Variants in STK32B observed in about 807,000 individuals in gnomAD.
The protein encoded by STK32B is serine/threonine-protein kinase 32B.
A neutral mutation model predicts 52.6 loss-of-function variants in STK32B; 43 were observed. The observed-to-expected ratio is 0.82, with a 90% confidence interval of 0.64 to 1.05. The LOEUF (loss-of-function observed/expected upper bound fraction) is 1.05, where lower values mean the gene tolerates loss of function less well. Among genes scored for constraint, STK32B ranks in the 50% least tolerant of loss-of-function variants. STK32B has a pLI of 0.00. For synonymous variants in STK32B, 238 were observed against 204.3 expected (o/e 1.17, Z -1.41); for missense variants, 621 against 534.6 (o/e 1.16, Z -1.59).
chr4:5,167,164 C>T (rs1366483069), intron 2 of STK32B, among the ~76,000 whole-genome samples: 1 of 152,140 alleles, frequency 6.6e-6, no homozygotes, highest in Non-Finnish European at 1.5e-5. Flanking sequence ...CTGCGGAGAG[C>T]CTTCTCTGAC....
intron 1 of STK32B, among the ~76,000 whole-genome samples, chr4:5,091,177 CT>C (rs1179424422): frequency 6.6e-6 from 1 of 152,070 alleles, no homozygotes; most frequent in African/African-American, 2.4e-5. Flanking sequence ...GTGCTTCTTA[CT>C]GTTGACTTCA....
chr4:5,496,015 C>T (rs528608950), intron 11 of STK32B, among the ~76,000 whole-genome samples: 13 of 152,304 alleles, frequency 8.5e-5, no homozygotes, highest in East Asian at 7.7e-4. Flanking sequence ...TTAGGCTGCT[C>T]GGGGGCAGGG....
At chr4:5,335,820 T>G in intron 4 of STK32B, among the ~76,000 whole-genome samples, 1 of 152,074 alleles carries the variant, frequency 6.6e-6, no homozygotes, top group Non-Finnish European at 1.5e-5. Flanking sequence ...GAGTTGTAGT[T>G]TGATTGCACT....
chr4:5,357,082 C>T (rs1274434846), intron 4 of STK32B, among the ~76,000 whole-genome samples: 1 of 134,020 alleles, frequency 7.5e-6, no homozygotes, highest in Admixed American at 7.6e-5. Context: ...TACACACACA[C>T]ACGTATACAC....
chr4:5,428,591 T>G (rs1033077560), intron 6 of STK32B, among the ~76,000 whole-genome samples: 2 of 152,240 alleles, frequency 1.3e-5, no homozygotes, highest in African/African-American at 4.8e-5. Context: ...TGGTTAATAT[T>G]ACATGCAAAC....
intron 3 of STK32B, among the ~76,000 whole-genome samples, chr4:5,322,391 C>T (rs1430255531): frequency 2.0e-5 from 3 of 152,090 alleles, no homozygotes; most frequent in African/African-American, 4.8e-5. Context: ...GTGAGACCTC[C>T]CCTCCATCTG....
chr4:5,152,095 T>C (rs1440746229), intron 2 of STK32B, among the ~76,000 whole-genome samples: 2 of 152,250 alleles, frequency 1.3e-5, no homozygotes, highest in Non-Finnish European at 2.9e-5. Context: ...CTCTCAGTTA[T>C]CATGCACTGT....
At chr4:5,214,634 A>G (rs1723084912) in intron 3 of STK32B, among the ~76,000 whole-genome samples, 1 of 152,236 alleles carries the variant, frequency 6.6e-6, no homozygotes, top group Non-Finnish European at 1.5e-5. Flanking sequence ...TTACAATTTG[A>G]TAATAACACA....
At position 5,272,642 on chromosome 4, in the gene STK32B, G is replaced by T. The variant is rs537934383; in HGVS notation, c.261-58578G>T. 3.4e-3 allele frequency among the ~76,000 whole-genome samples: 515 copies of T among 152,186 alleles called. 4 individuals are homozygous for T. Among genetic ancestry groups the T allele is most frequent in the South Asian group, 0.014 (68 of 4,810 alleles). On this transcript the variant is annotated intron_variant, in intron 3 of 11. Transcript: ENST00000282908. ...AGCATGGTGCTGGTACCAAAACAGA[G>T]ATATAGATCAATGGAACAGAACAGA...
chr4:5,231,053 G>A (rs1163759804), intron 3 of STK32B, among the ~76,000 whole-genome samples: 2 of 152,198 alleles, frequency 1.3e-5, no homozygotes, highest in Admixed American at 6.5e-5. Context: ...AGAGCTCCCC[G>A]TGGGGTTGTG....
Position 5,065,119 on chromosome 4 carries a change from C to G in STK32B, c.52+13204C>G, listed in dbSNP as rs565656240. On this transcript the variant is annotated intron_variant, in intron 1 of 11. Transcript: ENST00000282908. ...GTACTATCTCCCTGGGTGATCTTGT[C>G]AACCCCTGCATGTTCAGTCACTCTG... Among the ~76,000 whole-genome samples the G allele has an allele frequency of 1.4e-4, 21 of 152,122 alleles. 1 individual carries two copies. The South Asian group carries it at 4.4e-3, about 32-fold the overall frequency.
chr4:5,284,817 C>G (rs1311855618), intron 3 of STK32B, among the ~76,000 whole-genome samples: 3 of 152,164 alleles, frequency 2.0e-5, no homozygotes, highest in Non-Finnish European at 4.4e-5. Flanking sequence ...TCTCTCGCAG[C>G]TCTTGTGTAT....
intron 1 of STK32B, among the ~76,000 whole-genome samples, chr4:5,078,461 G>A (rs928518612): frequency 1.3e-5 from 2 of 152,148 alleles, no homozygotes; most frequent in African/African-American, 4.8e-5. Flanking sequence ...TAAAATGCAA[G>A]GCCACATTAT....
intron 11 of STK32B, 41 bp from the exon 12 acceptor site, chr4:5,498,904 C>G: frequency 6.3e-7 from 1 of 1,578,740 alleles, no homozygotes; most frequent in African/African-American, 1.3e-5. Context: ...CCTCCACAAC[C>G]CCATGCCGCA....
intron 2 of STK32B, among the ~76,000 whole-genome samples, chr4:5,162,132 G>C (rs866098936): frequency 6.6e-6 from 1 of 152,134 alleles, no homozygotes; most frequent in Non-Finnish European, 1.5e-5. Flanking sequence ...TAGTCCTGAG[G>C]TTCCAGCACA....
At chr4:5,201,465 C>G (rs1427136245) in intron 3 of STK32B, among the ~76,000 whole-genome samples, 1 of 152,148 alleles carries the variant, frequency 6.6e-6, no homozygotes, top group African/African-American at 2.4e-5. Flanking sequence ...ATACTCAGAT[C>G]AGTGATTGAG....
At chr4:5,119,172 A>G (rs1714894021) in intron 1 of STK32B, among the ~76,000 whole-genome samples, 1 of 152,220 alleles carries the variant, frequency 6.6e-6, no homozygotes, top group Non-Finnish European at 1.5e-5. Flanking sequence ...CCTGATGGCT[A>G]GCAGATCCCG....
chr4:5,456,950 C>T (rs527502848), intron 8 of STK32B, 27 bp downstream of exon 8: 20 of 1,480,964 alleles, frequency 1.4e-5, no homozygotes, highest in African/African-American at 2.8e-5. Context: ...CAGCCTGCCC[C>T]GCCAGGGAGC....
chr4:5,256,711 C>A (rs1191720521), intron 3 of STK32B, among the ~76,000 whole-genome samples: 1 of 152,204 alleles, frequency 6.6e-6, no homozygotes, highest in African/African-American at 2.4e-5. Flanking sequence ...CTGAGTATCT[C>A]TCTGTGTGTT....
Sources: gnomAD v4.1 joint callset for allele counts (sites outside exome capture counted in the v4.1 genomes callset) on GRCh38, gnomAD v4.1.1 for gene constraint, MANE v1.5 for transcripts, NCBI Gene and HGNC (gene_info 2026-07-23, HGNC 2026-07-21) for gene names.